ATF1: variants seen among roughly 807,000 people sequenced by gnomAD.
ATF1 encodes cyclic AMP-dependent transcription factor ATF-1.
In ATF1, 16 loss-of-function variants were observed where a neutral mutation model predicts 34.7. That is an observed-to-expected ratio of 0.46 (90% CI 0.31 to 0.70). The LOEUF (loss-of-function observed/expected upper bound fraction) is 0.70, where lower values mean the gene tolerates loss of function less well. Among genes scored for constraint, ATF1 ranks in the 30% least tolerant of loss-of-function variants. The pLI, the probability that ATF1 is intolerant of heterozygous loss-of-function variation, is 0.05. For missense variants in ATF1, 255 were observed against 321.6 expected (o/e 0.79, Z 1.58); for synonymous variants, 105 against 113.1 (o/e 0.93, Z 0.46).
At position 50,820,569 on chromosome 12, in the gene ATF1, A is replaced by G. The variant is rs1010798127; in HGVS notation, c.*790A>G. 5 of 179,428 alleles carry G rather than the reference A, an allele frequency of 2.8e-5. No individual in the cohort carries two copies. Among genetic ancestry groups the G allele is most frequent in the African/African-American group, 1.2e-4 (5 of 42,410 alleles). 11.1% of individuals were successfully genotyped at this position (179,428 alleles called of 1,614,324 possible). On this transcript the variant is annotated 3_prime_UTR_variant, in exon 7 of 7. Coordinates refer to ENST00000262053, the MANE Select transcript of ATF1 (RefSeq NM_005171.5). ...GTCTATATTCTGTATGCAGTTGAATATCCATTACTTATTCTGCTGTGCTTT... is the reference window on the plus strand; with the variant it reads ...GTCTATATTCTGTATGCAGTTGAATGTCCATTACTTATTCTGCTGTGCTTT...
intron 6 of ATF1, among the ~76,000 whole-genome samples, chr12:50,816,267 C>T (rs1159509795): frequency 2.6e-5 from 4 of 151,808 alleles, no homozygotes; most frequent in Non-Finnish European, 1.5e-5. Flanking sequence ...GTTGAGGCAG[C>T]ATGATCGCAC....
intron 6 of ATF1, 22 bp downstream of exon 6, chr12:50,814,461 C>T (rs1941801702): frequency 1.2e-6 from 2 of 1,605,908 alleles, no homozygotes; most frequent in Non-Finnish European, 1.7e-6. Flanking sequence ...AATCGTAGTA[C>T]CAGAATGGGT....
chr12:50,795,598 G>C (rs1941392305), intron 2 of ATF1, among the ~76,000 whole-genome samples: 2 of 151,942 alleles, frequency 1.3e-5, no homozygotes, highest in Admixed American at 1.3e-4. Context: ...CATCAGTGTA[G>C]AAATAGGGTG....
intron 2 of ATF1, among the ~76,000 whole-genome samples, chr12:50,790,266 G>A (rs757206956): frequency 1.5e-4 from 23 of 148,452 alleles, no homozygotes; most frequent in Non-Finnish European, 3.0e-4. Context: ...GTGCAGTGGC[G>A]CAATCACAGC....
intron 1 of ATF1, among the ~76,000 whole-genome samples, chr12:50,777,960 A>G (rs1361819678): frequency 6.9e-6 from 1 of 145,540 alleles, no homozygotes; most frequent in Non-Finnish European, 1.5e-5. Flanking sequence ...TTTTTGAGAC[A>G]AGGCTGAAGT....
At chr12:50,808,803 G>C (rs989845325) in intron 3 of ATF1, among the ~76,000 whole-genome samples, 1 of 148,424 alleles carries the variant, frequency 6.7e-6, no homozygotes, top group African/African-American at 2.5e-5. Flanking sequence ...GCAGTGGCGC[G>C]ACCTCGACTC....
At chr12:50,790,612 GGA>G (rs1218808221) in intron 2 of ATF1, among the ~76,000 whole-genome samples, 4 of 152,132 alleles carry the variant, frequency 2.6e-5, no homozygotes, top group Admixed American at 1.3e-4. Flanking sequence ...CTGCAGTATA[GGA>G]GAGAAACTCC....
chr12:50,812,228 C>T (rs913441162), intron 4 of ATF1, among the ~76,000 whole-genome samples: 4 of 152,048 alleles, frequency 2.6e-5, no homozygotes, highest in African/African-American at 4.8e-5. Context: ...AATATCAAAA[C>T]ATTTGCATCT....
intron 1 of ATF1, chr12:50,764,712 A>G (rs1354889842): frequency 6.6e-6 from 1 of 152,198 alleles, no homozygotes; most frequent in Admixed American, 6.5e-5. Flanking sequence ...CGCCGAGCGG[A>G]GCCCGGGTCT....
chr12:50,773,108 T>C (rs764075094), intron 1 of ATF1, among the ~76,000 whole-genome samples: 3 of 152,236 alleles, frequency 2.0e-5, no homozygotes, highest in Non-Finnish European at 2.9e-5. Flanking sequence ...CTCTTTCCTT[T>C]TTATGGCTGC....
intron 1 of ATF1, among the ~76,000 whole-genome samples, chr12:50,770,611 TACAA>T (rs1194253275): frequency 2.0e-5 from 3 of 152,360 alleles, no homozygotes; most frequent in Non-Finnish European, 4.4e-5. Context: ...CTGCACTTTA[TACAA>T]ACAATCAGGC....
intron 6 of ATF1, among the ~76,000 whole-genome samples, chr12:50,817,388 A>G (rs111386499): frequency 6.6e-5 from 10 of 152,340 alleles, no homozygotes; most frequent in Non-Finnish European, 1.5e-4. Flanking sequence ...TCTTAGAAAA[A>G]TTGAATGAAA....
intron 1 of ATF1, among the ~76,000 whole-genome samples, chr12:50,777,000 G>A (rs865873357): frequency 4.6e-5 from 7 of 152,066 alleles, no homozygotes; most frequent in African/African-American, 1.4e-4. Context: ...TTACAGGCAT[G>A]CGACACCATA....
intron 3 of ATF1, among the ~76,000 whole-genome samples, chr12:50,803,767 A>G (rs979137091): frequency 6.6e-6 from 1 of 152,262 alleles, no homozygotes; most frequent in Non-Finnish European, 1.5e-5. Context: ...TTACTTAGCA[A>G]TTAAAAAGCA....
intron 4 of ATF1, among the ~76,000 whole-genome samples, chr12:50,809,918 C>G (rs964122418): frequency 6.6e-6 from 1 of 152,224 alleles, no homozygotes. Flanking sequence ...ACTGCAACCT[C>G]TGCCTTCCCG....
chr12:50,798,677 C>A (rs969432858), intron 3 of ATF1, among the ~76,000 whole-genome samples: 1 of 152,000 alleles, frequency 6.6e-6, no homozygotes, highest in Non-Finnish European at 1.5e-5. Context: ...AGAAACTTCT[C>A]AAAGTTAAGC....
intron 2 of ATF1, among the ~76,000 whole-genome samples, chr12:50,780,816 C>G: frequency 6.6e-6 from 1 of 152,104 alleles, no homozygotes; most frequent in Non-Finnish European, 1.5e-5. Context: ...AAAAATTAGC[C>G]AGGTGCAGTG....
intron 1 of ATF1, among the ~76,000 whole-genome samples, chr12:50,770,228 A>C (rs1940738145): frequency 6.6e-6 from 1 of 152,256 alleles, no homozygotes; most frequent in Non-Finnish European, 1.5e-5. Context: ...CTTTTGTAAC[A>C]GAATACAATT....
At chr12:50,816,710 T>C (rs879603207) in intron 6 of ATF1, among the ~76,000 whole-genome samples, 3 of 151,788 alleles carry the variant, frequency 2.0e-5, no homozygotes, top group Non-Finnish European at 4.4e-5. Context: ...CTGGGCAATA[T>C]AGGGAGACCC....
Sources: gnomAD v4.1 joint callset for allele counts (sites outside exome capture counted in the v4.1 genomes callset) on GRCh38, gnomAD v4.1.1 for gene constraint, MANE v1.5 for transcripts, NCBI Gene and HGNC (gene_info 2026-07-23, HGNC 2026-07-21) for gene names.